BORCS8: variants seen among roughly 807,000 people sequenced by gnomAD.
The protein encoded by BORCS8 is BLOC-1-related complex subunit 8.
In BORCS8, 13 loss-of-function variants were observed where a neutral mutation model predicts 18.7. The ratio of observed to expected loss-of-function variants is 0.70; its 90% confidence interval spans 0.45 to 1.11. The LOEUF is 1.11. Ranked by LOEUF, BORCS8 falls within the 50% of genes least tolerant of loss-of-function variation. The probability of loss-of-function intolerance (pLI) is 0.00; values close to 1 mark genes in which losing one functional copy is unlikely to be tolerated. For missense variants in BORCS8, 165 were observed against 165.7 expected (o/e 1.00, Z 0.02); for synonymous variants, 68 against 64.8 (o/e 1.05, Z -0.24).
rs1489128412 is a variant in BORCS8, at chr19:19,182,241, C to A, written c.326+332G>T. The A allele has an allele frequency of 6.9e-6, 3 of 436,022 alleles. No individual in the cohort carries two copies. The highest frequency in any genetic ancestry group is 2.1e-5 in the African/African-American group (1 of 48,406). The allele number at this position is 436,022 out of a possible 1,614,324, so 27.0% of individuals were successfully genotyped here. A position where few individuals can be genotyped will look rare whatever the true frequency, so the allele number is the denominator to read the frequency against. ...AACTCATGCCACCTCCTAGGAGGGG[C>A]CCCGCAGTGTTCTTCACAGCGCATC... On this transcript the variant is annotated intron_variant, in intron 4 of 5. Transcript: ENST00000462790. This position sits in a 1 kb window ranked among gnomAD's most constrained non-coding sequence, Gnocchi z 4.1.
chr19:19,180,421 A>G (rs2060336873), intron 5 of BORCS8: 1 of 528,136 alleles, frequency 1.9e-6, no homozygotes, highest in Non-Finnish European at 3.4e-6. Flanking sequence ...AATCTCTGGG[A>G]CTAGCATGGG....
At position 19,180,762 on chromosome 19, in the gene BORCS8, C is replaced by T. The variant is rs1249724278; in HGVS notation, c.327-1G>A. 6.5e-7 allele frequency: 1 copy of T among 1,547,112 alleles called. No individual in the cohort carries two copies. Among genetic ancestry groups the T allele is most frequent in the South Asian group, 1.2e-5 (1 of 83,394 alleles). ...GGAGGGCGGGGGTGGTTCCTCCGGG[C>T]TGCAACAAAACATGTGCAGCATCCA... On this transcript the variant is annotated splice_acceptor_variant, in intron 4 of 5. Transcript: ENST00000462790. LOFTEE classifies it high-confidence loss of function.
chr19:19,177,692 G>GAAAAGAAAAGAAAAGAAAAGAAAAGAAAA (rs1555777404), intron 5 of BORCS8: 2 of 48,892 alleles, frequency 4.1e-5, no homozygotes, highest in African/African-American at 1.7e-4. Flanking sequence ...AAGGAAGGAA[G>GAAAAGAAAAGAAAAGAAAAGAAAAGAAAA]GAAGAGAAAA....
At chr19:19,180,821 A>C (rs879278013) in intron 4 of BORCS8, 60 bp from the exon 5 acceptor site, 8 of 1,478,870 alleles carry the variant, frequency 5.4e-6, no homozygotes, top group Non-Finnish European at 7.3e-6. Context: ...AGGCTTGCTC[A>C]GCTGGCTGGA....
chr19:19,187,543 C>CT (rs906880296), intron 1 of BORCS8, among the ~76,000 whole-genome samples: 231 of 140,514 alleles, frequency 1.6e-3, no homozygotes, highest in Admixed American at 4.3e-3. Context: ...GAGTAAACTT[C>CT]TTTTTTTTTT....
chr19:19,180,905 G>A lies in BORCS8; in HGVS notation c.327-144C>T, dbSNP rs1224733525. On this transcript the variant is annotated intron_variant, in intron 4 of 5. Coordinates refer to ENST00000462790, the MANE Select transcript of BORCS8 (RefSeq NM_001145784.2). The stretch of plus-strand genomic sequence containing the variant: ...TCTGGGGCATCCTGCTTAAAAGTGG[G>A]ATGAGTGGGCCAGGAACGGTGGCTC... The A allele has an allele frequency of 9.2e-6, 8 of 868,600 alleles. No individual in the cohort carries two copies. The East Asian group carries it at 2.3e-4, about 25-fold the overall frequency. The allele number at this position is 868,600 out of a possible 1,614,324, so 53.8% of individuals were successfully genotyped here. A position where few individuals can be genotyped will look rare whatever the true frequency, so the allele number is the denominator to read the frequency against.
chr19:19,188,181 CA>C (rs2060429554), intron 1 of BORCS8, among the ~76,000 whole-genome samples: 1 of 152,102 alleles, frequency 6.6e-6, no homozygotes, highest in Non-Finnish European at 1.5e-5. Flanking sequence ...AGGCACCCGC[CA>C]CCACGCCCGG....
At chr19:19,188,177 C>T (rs974192906) in intron 1 of BORCS8, among the ~76,000 whole-genome samples, 2 of 151,676 alleles carry the variant, frequency 1.3e-5, no homozygotes, top group Admixed American at 6.6e-5. Context: ...CTACAGGCAC[C>T]CGCCACCACG....
At chr19:19,180,331 CTG>C (rs2060336013) in intron 5 of BORCS8, 1 of 292,118 alleles carries the variant, frequency 3.4e-6, no homozygotes, top group African/African-American at 2.2e-5. Context: ...GCCTGAGAGA[CTG>C]TGCACGGGTA....
intron 1 of BORCS8, among the ~76,000 whole-genome samples, 184 bp downstream of exon 1, chr19:19,191,897 G>A (rs1299002396): frequency 6.6e-6 from 1 of 152,184 alleles, no homozygotes; most frequent in Non-Finnish European, 1.5e-5. Context: ...CAATCCTGGG[G>A]GGACCGGTAA....
intron 4 of BORCS8, among the ~76,000 whole-genome samples, chr19:19,181,055 T>A (rs1234729055): frequency 1.3e-5 from 2 of 151,508 alleles, no homozygotes; most frequent in East Asian, 3.9e-4. Flanking sequence ...ATTAGCCAGG[T>A]GTGGTGGCAG....
At position 19,192,121 on chromosome 19, in the gene BORCS8, G is replaced by C. The variant is rs778567489; in HGVS notation, c.-4C>G. 4.8e-4 allele frequency: 746 copies of C among 1,551,036 alleles called. 1 individual carries two copies. The highest frequency in any genetic ancestry group is 5.6e-4 in the Non-Finnish European group (646 of 1,146,844). On this transcript the variant is annotated 5_prime_UTR_variant, in exon 1 of 6. Coordinates refer to ENST00000462790, the MANE Select transcript of BORCS8 (RefSeq NM_001145784.2). ...GCTGCATCTCCGGCTCCTCCATAGC[G>C]ACCGCGGCCGAGCGAACCGGGAAAC...
chr19:19,186,090 C>T lies in BORCS8; in HGVS notation c.159G>A (p.Met53Ile). The T allele has an allele frequency of 1.3e-6, 2 of 1,551,480 alleles. No homozygotes were observed. The highest frequency in any genetic ancestry group is 1.7e-4 in the Middle Eastern group (1 of 5,850). ...LPELAQHKAD[M>I]QRWEEQSQGA... ...CCTGGCTCTGCTCCTCCCAACGCTG[C>T]ATGTCTGCCTGTAGGGGGCGCAGGA... The change falls in exon 3 of 6, where the codon ATG (methionine) becomes ATA (isoleucine). Residue 53 changes from methionine to isoleucine, a missense_variant. Transcript: ENST00000462790.
At position 19,182,523 on chromosome 19, in the gene BORCS8, G is replaced by T. The variant is rs750983758; in HGVS notation, c.326+50C>A. 2 of 1,534,562 alleles carry T rather than the reference G, an allele frequency of 1.3e-6. No homozygotes were observed. The highest frequency in any genetic ancestry group is 1.8e-6 in the Non-Finnish European group (2 of 1,140,286). Reference sequence around the variant, plus strand: ...GCGGTTCCCAGCGCAGCTGAGAGACGGTCCTTGCAGCTGGGAGTGGCAGTG... The same window carrying T: ...GCGGTTCCCAGCGCAGCTGAGAGACTGTCCTTGCAGCTGGGAGTGGCAGTG... On this transcript the variant is annotated intron_variant, in intron 4 of 5. Coordinates refer to ENST00000462790, the MANE Select transcript of BORCS8 (RefSeq NM_001145784.2). This position sits in a 1 kb window ranked among gnomAD's most constrained non-coding sequence, Gnocchi z 4.1.
Position 19,186,088 on chromosome 19 carries a change from T to C in BORCS8, c.161A>G (p.Gln54Arg). The C allele has an allele frequency of 6.4e-7, 1 of 1,551,430 alleles. No homozygotes were observed. Among genetic ancestry groups the C allele is most frequent in the Non-Finnish European group, 8.7e-7 (1 of 1,146,952 alleles). Residue 54 changes from glutamine to arginine, a missense_variant, in exon 3 of 6, where the codon CAG becomes CGG. Transcript: ENST00000462790. ...PELAQHKADM[Q>R]RWEEQSQGAI... ...TCCCTGGCTCTGCTCCTCCCAACGC[T>C]GCATGTCTGCCTGTAGGGGGCGCAG...
rs576907108 is a variant in BORCS8 at position 19,181,685 on chromosome 19, C to T, written c.326+888G>A. On this transcript the variant is annotated intron_variant, in intron 4 of 5. Transcript: ENST00000462790. ...AGCCCAGATAAACCCTTCATGCTAC[C>T]GTTTGAGGGAAGATTGCTACACTCC... Among the ~76,000 whole-genome samples, 236 of 152,314 alleles carry T rather than the reference C, an allele frequency of 1.5e-3. 2 individuals are homozygous for T. The highest frequency in any genetic ancestry group is 0.012 in the South Asian group (58 of 4,832).
rs2060355531 is a variant in BORCS8 at position 19,182,167 on chromosome 19, T to C, written c.326+406A>G. ...GCCCCAGAGCGTCTGCCCTCACCAC[T>C]GCCCCACATGGAACTCCGTCTGCCC... On this transcript the variant is annotated intron_variant, in intron 4 of 5. Transcript: ENST00000462790. The surrounding 1 kb of genome is among the most constrained non-coding windows in gnomAD (Gnocchi z 4.1). 6 of 505,062 alleles carry C rather than the reference T, an allele frequency of 1.2e-5. No individual in the cohort carries two copies. Among genetic ancestry groups the C allele is most frequent in the Non-Finnish European group, 1.5e-5 (6 of 387,894 alleles). The allele number at this position is 505,062 out of a possible 1,614,324, so 31.3% of individuals were successfully genotyped here. A position where few individuals can be genotyped will look rare whatever the true frequency, so the allele number is the denominator to read the frequency against.
Position 19,186,025 on chromosome 19 carries a change from G to A in BORCS8, c.215+9C>T. 6.5e-7 allele frequency: 1 copy of A among 1,550,256 alleles called. No homozygotes were observed. Among genetic ancestry groups the A allele is most frequent in the South Asian group, 1.2e-5 (1 of 84,010 alleles). ...GGTGGCCCTGCAGCGGGGAGGCTGT[G>A]GCGCTCACCTGCAGGCGTACTCCAC... On this transcript the variant is annotated intron_variant, in intron 3 of 5. Transcript: ENST00000462790.
At position 19,186,965 on chromosome 19, in the gene BORCS8, G is replaced by A. The variant is rs532032877; in HGVS notation, c.78C>T (p.Asn26=). Residue 26 remains asparagine (N), a synonymous_variant, in exon 2 of 6, where the codon AAC becomes AAT. Transcript: ENST00000462790. ...KFTESVYVLA[N]EPSVALYRLQ... is the part of the protein sequence containing the mutation. ...GCCGGTACAGGGCCACGGATGGCTC[G>A]TTGGCCAGGACGTAGACGCTCTCAG... 142 of 1,551,376 alleles carry A rather than the reference G, an allele frequency of 9.2e-5. No homozygotes were observed. Among genetic ancestry groups the A allele is most frequent in the Non-Finnish European group, 1.1e-4 (125 of 1,146,902 alleles).
Sources: allele counts gnomAD v4.1 joint callset (sites outside exome capture counted in the v4.1 genomes callset), GRCh38; gene constraint gnomAD v4.1.1; non-coding constraint Gnocchi (gnomAD v3.1); transcripts MANE v1.5; gene names NCBI Gene and HGNC (gene_info 2026-07-23, HGNC 2026-07-21).